The following SGCZ variants were observed in gnomAD, a reference collection of about 807,000 sequenced individuals.
SGCZ encodes sarcoglycan zeta, also known as zeta-sarcoglycan.
A neutral mutation model predicts 41.3 loss-of-function variants in SGCZ; 40 were observed. The ratio of observed to expected loss-of-function variants is 0.97; its 90% CI spans 0.75 to 1.26. The LOEUF (loss-of-function observed/expected upper bound fraction) is 1.26, where lower values mean the gene tolerates loss of function less well. SGCZ is among the 50% of genes most tolerant of loss of function. The pLI, the probability that SGCZ is intolerant of heterozygous loss-of-function variation, is 0.00. For missense variants in SGCZ, 552 were observed against 369.8 expected (o/e 1.49, Z -4.04); for synonymous variants, 206 against 137.5 (o/e 1.50, Z -3.49).
chr8:14,262,557 A>G (rs925591896), intron 3 of SGCZ, among the ~76,000 whole-genome samples: 12 of 151,984 alleles, frequency 7.9e-5, no homozygotes, highest in African/African-American at 2.9e-4. Context: ...AAAGTATCCT[A>G]TAAAAATTAT....
chr8:15,069,870 C>G (rs937873476), intron 1 of SGCZ, among the ~76,000 whole-genome samples: 10 of 151,968 alleles, frequency 6.6e-5, no homozygotes, highest in Non-Finnish European at 1.3e-4. Context: ...GTGCTCTTTT[C>G]TTTATGAGAG....
Position 14,998,999 on chromosome 8 carries a change from A to G in SGCZ, c.39+238586T>C, listed in dbSNP as rs533098916. Among the ~76,000 whole-genome samples, 20 of 152,322 alleles carry G rather than the reference A, an allele frequency of 1.3e-4. No individual in the cohort carries two copies. The East Asian group carries it at 1.7e-3, about 13-fold the overall frequency. On this transcript the variant is annotated intron_variant, in intron 1 of 7. Transcript: ENST00000382080. ...ATAATCTTGGGTACACTTGGATTTA[A>G]TATCTAGTGAATAGTTTACCCACAC...
intron 2 of SGCZ, among the ~76,000 whole-genome samples, chr8:14,328,079 A>C (rs977555680): frequency 1.3e-5 from 2 of 152,160 alleles, no homozygotes; most frequent in East Asian, 1.9e-4. Flanking sequence ...TGTATGAAAA[A>C]ACGAATTTTC....
intron 2 of SGCZ, among the ~76,000 whole-genome samples, chr8:14,384,759 C>G (rs1304902337): frequency 1.3e-5 from 2 of 152,058 alleles, no homozygotes; most frequent in Non-Finnish European, 2.9e-5. Flanking sequence ...CCATGTTGGC[C>G]GGGCTGGTCT....
chr8:15,236,408 G>A (rs899006327), intron 1 of SGCZ, among the ~76,000 whole-genome samples: 6 of 151,450 alleles, frequency 4.0e-5, no homozygotes, highest in African/African-American at 9.8e-5. Context: ...ACATTTCAGG[G>A]CAAACCTCTA....
chr8:15,046,859 T>G (rs1804324094), intron 1 of SGCZ, among the ~76,000 whole-genome samples: 1 of 152,036 alleles, frequency 6.6e-6, no homozygotes, highest in Non-Finnish European at 1.5e-5. Flanking sequence ...AACTCTCTTC[T>G]TTAACAGTGA....
chr8:14,988,566 C>T (rs1217657765), intron 1 of SGCZ, among the ~76,000 whole-genome samples: 2 of 151,634 alleles, frequency 1.3e-5, no homozygotes, highest in East Asian at 1.9e-4. Context: ...TATTTCAAAT[C>T]GTCTTTTCAT....
chr8:15,148,848 A>T (rs1457218), intron 1 of SGCZ, among the ~76,000 whole-genome samples: 2 of 152,230 alleles, frequency 1.3e-5, no homozygotes, highest in Non-Finnish European at 2.9e-5. Flanking sequence ...TGAAAGAATC[A>T]TATTACCACT....
intron 1 of SGCZ, among the ~76,000 whole-genome samples, chr8:15,097,665 T>G (rs1222952956): frequency 1.3e-5 from 2 of 150,936 alleles, no homozygotes; most frequent in African/African-American, 4.9e-5. Context: ...GAGAATCTCC[T>G]GAGCCCAGGA....
intron 1 of SGCZ, among the ~76,000 whole-genome samples, chr8:14,916,864 A>C (rs531297660): frequency 1.7e-4 from 26 of 152,288 alleles, no homozygotes; most frequent in African/African-American, 6.0e-4. Flanking sequence ...ATTTTTTAAA[A>C]AAAACAATGT....
rs147791531 is a variant in SGCZ, at chr8:15,178,231, T to TA, written c.39+59353dup. Among the ~76,000 whole-genome samples the TA allele has an allele frequency of 6.7e-3, 1,014 of 152,270 alleles. 29 individuals carry two copies. The East Asian group carries it at 0.097, about 15-fold the overall frequency. On this transcript the variant is annotated intron_variant, in intron 1 of 7. Transcript: ENST00000382080. ...TTTTTTTCTTTGAGAATTTTTTTTT[T>TA]ACTAATCAATAAAATCCCTTTGATG...
At chr8:14,611,890 T>C (rs560944669) in intron 1 of SGCZ, among the ~76,000 whole-genome samples, 112 of 152,262 alleles carry the variant, frequency 7.4e-4, no homozygotes, top group African/African-American at 2.6e-3. Flanking sequence ...TCATGAGCCA[T>C]TGCAGTACAT....
chr8:14,587,763 T>A (rs1024886827), intron 1 of SGCZ, among the ~76,000 whole-genome samples: 3 of 152,154 alleles, frequency 2.0e-5, no homozygotes, highest in African/African-American at 7.2e-5. Flanking sequence ...AATTCATAAA[T>A]CAGGAAGATG....
intron 1 of SGCZ, among the ~76,000 whole-genome samples, chr8:14,733,757 G>C (rs1798942383): frequency 6.6e-6 from 1 of 152,126 alleles, no homozygotes; most frequent in Non-Finnish European, 1.5e-5. Flanking sequence ...CATTTTAAAT[G>C]GTTCCATAAG....
At chr8:14,578,363 C>T (rs1804781540) in intron 1 of SGCZ, among the ~76,000 whole-genome samples, 1 of 152,184 alleles carries the variant, frequency 6.6e-6, no homozygotes, top group Non-Finnish European at 1.5e-5. Context: ...GCAGACCAGC[C>T]TGGCCCAGAG....
At chr8:14,463,490 T>A (rs957447090) in intron 2 of SGCZ, among the ~76,000 whole-genome samples, 1 of 150,026 alleles carries the variant, frequency 6.7e-6, no homozygotes, top group South Asian at 2.1e-4. Flanking sequence ...CAAAATTAAC[T>A]AAAAATTAAT....
At chr8:14,308,394 T>C (rs1361207487) in intron 3 of SGCZ, among the ~76,000 whole-genome samples, 1 of 152,000 alleles carries the variant, frequency 6.6e-6, no homozygotes, top group Non-Finnish European at 1.5e-5. Context: ...TCTGCAGTAT[T>C]TGTGAGTGGA....
chr8:14,603,860 A>G (rs947921919), intron 1 of SGCZ, among the ~76,000 whole-genome samples: 1 of 152,140 alleles, frequency 6.6e-6, no homozygotes, highest in African/African-American at 2.4e-5. Context: ...GCAATAGTTG[A>G]CTACATTGCT....
chr8:14,448,316 T>C (rs1800493548), intron 2 of SGCZ, among the ~76,000 whole-genome samples: 1 of 152,198 alleles, frequency 6.6e-6, no homozygotes. Flanking sequence ...GCAGAAACTT[T>C]TCTGATATCA....
Sources: gnomAD v4.1 joint callset for allele counts (sites outside exome capture counted in the v4.1 genomes callset) on GRCh38, gnomAD v4.1.1 for gene constraint, MANE v1.5 for transcripts, NCBI Gene and HGNC (gene_info 2026-07-23, HGNC 2026-07-21) for gene names.